The following HTR1F variants were observed in gnomAD, a reference collection of about 807,000 sequenced individuals.
The protein encoded by HTR1F is 5-hydroxytryptamine (serotonin) receptor 1F, G protein-coupled.
A neutral mutation model predicts 24.0 loss-of-function variants in HTR1F; 17 were observed. That is an observed-to-expected ratio of 0.71 (90% CI 0.48 to 1.06). The LOEUF (loss-of-function observed/expected upper bound fraction) is 1.06, where lower values mean the gene tolerates loss of function less well. Ranked by LOEUF, HTR1F falls within the 50% of genes least tolerant of loss-of-function variation. The pLI, the probability that HTR1F is intolerant of heterozygous loss-of-function variation, is 0.00. For synonymous variants in HTR1F, 186 were observed against 156.8 expected (o/e 1.19, Z -1.39); for missense variants, 391 against 427.8 (o/e 0.91, Z 0.76).
rs920607736 is a variant in HTR1F at position 87,948,169 on chromosome 3, G to A, written c.-42-42539G>A. Reference sequence around the variant, plus strand: ...CCTTCAATTTTAAAGATTCTGAATCGTAAGTTTGACTATTTTCAGTGCCTC... The same window carrying A: ...CCTTCAATTTTAAAGATTCTGAATCATAAGTTTGACTATTTTCAGTGCCTC... On this transcript the variant is annotated intron_variant, in intron 2 of 2. Coordinates refer to ENST00000319595, the MANE Select transcript of HTR1F (RefSeq NM_001322209.2). 4.6e-5 allele frequency among the ~76,000 whole-genome samples: 7 copies of A among 152,032 alleles called. No homozygotes were observed. In the East Asian group the frequency reaches 5.8e-4, roughly 13 times the overall value.
At chr3:87,946,620 TATA>T (rs1704713150) in intron 2 of HTR1F, among the ~76,000 whole-genome samples, 1 of 88,264 alleles carries the variant, frequency 1.1e-5, no homozygotes, top group African/African-American at 4.2e-5. Flanking sequence ...TGTATATATA[TATA>T]TATATTTTTT....
At chr3:87,955,428 A>G (rs1704922630) in intron 2 of HTR1F, among the ~76,000 whole-genome samples, 1 of 151,472 alleles carries the variant, frequency 6.6e-6, no homozygotes, top group African/African-American at 2.4e-5. Context: ...TGAATGGCAC[A>G]TCTTTTTTAT....
chr3:87,955,014 T>G (rs1045930190), intron 2 of HTR1F, among the ~76,000 whole-genome samples: 4 of 151,368 alleles, frequency 2.6e-5, no homozygotes, highest in Admixed American at 2.6e-4. Flanking sequence ...TTGTCTCAGT[T>G]ATTTGGTGTC....
At chr3:87,981,085 C>T (rs1012228292) in intron 2 of HTR1F, among the ~76,000 whole-genome samples, 2 of 152,204 alleles carry the variant, frequency 1.3e-5, no homozygotes, top group Admixed American at 1.3e-4. Flanking sequence ...AAGTGCACAG[C>T]CCAGCCTTCA....
chr3:87,898,452 T>C (rs1706249901), intron 2 of HTR1F, among the ~76,000 whole-genome samples: 1 of 152,136 alleles, frequency 6.6e-6, no homozygotes, highest in Admixed American at 6.6e-5. Flanking sequence ...TAGGAAGAAA[T>C]TGGCATATGT....
chr3:87,940,511 A>T (rs1704542687), intron 2 of HTR1F, among the ~76,000 whole-genome samples: 1 of 152,232 alleles, frequency 6.6e-6, no homozygotes, highest in Admixed American at 6.5e-5. Flanking sequence ...GGACACAAAC[A>T]ATTGGAAGAA....
chr3:87,824,495 T>G (rs143676590), intron 2 of HTR1F, among the ~76,000 whole-genome samples: 62 of 152,330 alleles, frequency 4.1e-4, no homozygotes, highest in Non-Finnish European at 7.5e-4. Flanking sequence ...TGTTTCTCTC[T>G]CTATTAGGAA....
Position 87,991,378 on chromosome 3 carries a change from C to T in HTR1F, c.629C>T (p.Thr210Ile), listed in dbSNP as rs1705825333. ...LYYKIYRAAK[T>I]LYHKRQASRI... Reference sequence around the variant, plus strand: ...TACAAAATATATAGAGCAGCAAAGACATTATACCACAAGAGACAAGCAAGT... The same window carrying T: ...TACAAAATATATAGAGCAGCAAAGATATTATACCACAAGAGACAAGCAAGT... The change falls in exon 3 of 3, where the codon ACA becomes ATA. Residue 210 changes from threonine (T) to isoleucine (I), a missense_variant. Coordinates refer to ENST00000319595, the MANE Select transcript of HTR1F (RefSeq NM_001322209.2). 3 of 1,613,930 alleles carry T rather than the reference C, an allele frequency of 1.9e-6. No individual in the cohort carries two copies. Among genetic ancestry groups the T allele is most frequent in the Non-Finnish European group, 1.7e-6 (2 of 1,179,978 alleles).
chr3:87,914,375 G>A (rs1703846044), intron 2 of HTR1F, among the ~76,000 whole-genome samples: 2 of 152,156 alleles, frequency 1.3e-5, no homozygotes, highest in Non-Finnish European at 2.9e-5. Context: ...GCATGAATCC[G>A]ATATTGCAGA....
chr3:87,980,449 T>G (rs1705515652), intron 2 of HTR1F, among the ~76,000 whole-genome samples: 1 of 152,136 alleles, frequency 6.6e-6, no homozygotes, highest in South Asian at 2.1e-4. Flanking sequence ...TTTATGGGCT[T>G]CAGAAGGGAG....
intron 2 of HTR1F, among the ~76,000 whole-genome samples, chr3:87,846,036 G>C (rs1704933738): frequency 6.6e-6 from 1 of 151,916 alleles, no homozygotes; most frequent in Non-Finnish European, 1.5e-5. Context: ...TCTAGGGCTA[G>C]GGATAAGCAG....
At chr3:87,901,776 T>C (rs181442458) in intron 2 of HTR1F, among the ~76,000 whole-genome samples, 59 of 152,120 alleles carry the variant, frequency 3.9e-4, no homozygotes, top group African/African-American at 1.4e-3. Flanking sequence ...GGATATCTAG[T>C]TTCCTCTATC....
At chr3:87,961,951 AT>A (rs1296507698) in intron 2 of HTR1F, among the ~76,000 whole-genome samples, 1 of 152,100 alleles carries the variant, frequency 6.6e-6, no homozygotes, top group African/African-American at 2.4e-5. Flanking sequence ...ATGCAATATC[AT>A]AGACATACTA....
At chr3:87,924,407 C>T (rs1234456484) in intron 2 of HTR1F, among the ~76,000 whole-genome samples, 1 of 151,990 alleles carries the variant, frequency 6.6e-6, no homozygotes, top group Non-Finnish European at 1.5e-5. Context: ...AGTTTTGTGA[C>T]TTTCTGTAGT....
chr3:87,837,683 A>G (rs1378676745), intron 2 of HTR1F, among the ~76,000 whole-genome samples: 1 of 152,016 alleles, frequency 6.6e-6, no homozygotes, highest in Non-Finnish European at 1.5e-5. Flanking sequence ...ATAATTTATT[A>G]TTATTAAACA....
chr3:87,815,298 A>G (rs1374066947), intron 1 of HTR1F, among the ~76,000 whole-genome samples: 1 of 152,080 alleles, frequency 6.6e-6, no homozygotes, highest in Non-Finnish European at 1.5e-5. Flanking sequence ...AAATATATAT[A>G]TATATATGAA....
At chr3:87,824,708 T>C (rs1408509349) in intron 2 of HTR1F, among the ~76,000 whole-genome samples, 10 of 152,182 alleles carry the variant, frequency 6.6e-5, no homozygotes, top group Admixed American at 3.9e-4. Flanking sequence ...GACTGGGACA[T>C]GTGTATAGGT....
At chr3:87,866,317 G>C (rs1297611538) in intron 2 of HTR1F, among the ~76,000 whole-genome samples, 1 of 152,164 alleles carries the variant, frequency 6.6e-6, no homozygotes, top group Non-Finnish European at 1.5e-5. Flanking sequence ...GTAGGATTTA[G>C]AGCTGCTAGT....
intron 2 of HTR1F, among the ~76,000 whole-genome samples, chr3:87,909,266 T>C (rs1703726806): frequency 6.6e-6 from 1 of 152,006 alleles, no homozygotes; most frequent in Admixed American, 6.6e-5. Flanking sequence ...GAGCAAGAAA[T>C]AAGTTGTGTT....
Sources: gnomAD v4.1 joint callset for allele counts (sites outside exome capture counted in the v4.1 genomes callset) on GRCh38, gnomAD v4.1.1 for gene constraint, MANE v1.5 for transcripts, NCBI Gene and HGNC (gene_info 2026-07-23, HGNC 2026-07-21) for gene names.